Variants in CNTN3 observed in about 807,000 individuals in gnomAD.
CNTN3 encodes the protein contactin-3.
CNTN3 carries 60 observed loss-of-function variants against 119.1 expected under a neutral mutation model. The observed-to-expected ratio is 0.50, with a 90% CI of 0.41 to 0.62. The LOEUF (loss-of-function observed/expected upper bound fraction) is 0.62. Ranked by LOEUF, CNTN3 falls within the 20% of genes least tolerant of loss-of-function variation. CNTN3 has a pLI of 0.00. For synonymous variants in CNTN3, 450 were observed against 438.7 expected, an observed-to-expected ratio of 1.03 and a Z score of -0.32; for missense variants, 1,101 against 1,242.4, an observed-to-expected ratio of 0.89 and a Z score of 1.71.
intron 1 of CNTN3, among the ~76,000 whole-genome samples, chr3:74,581,319 T>C (rs1052004434): frequency 2.6e-5 from 4 of 152,122 alleles, no homozygotes; most frequent in Non-Finnish European, 5.9e-5. Context: ...TTAAAATCAT[T>C]AGTACTTCTA....
At chr3:74,389,098 T>C (rs1431695121) in intron 5 of CNTN3, among the ~76,000 whole-genome samples, 2 of 152,188 alleles carry the variant, frequency 1.3e-5, no homozygotes, top group Non-Finnish European at 2.9e-5. Flanking sequence ...GAATTTTAAT[T>C]ATTAAAAACT....
intron 11 of CNTN3, among the ~76,000 whole-genome samples, chr3:74,347,753 G>T (rs1464636243): frequency 6.6e-6 from 1 of 152,162 alleles, no homozygotes; most frequent in Non-Finnish European, 1.5e-5. Flanking sequence ...TTTCCAAAAG[G>T]TGAACACAGT....
intron 4 of CNTN3, among the ~76,000 whole-genome samples, chr3:74,433,373 T>C (rs777777009): frequency 1.4e-5 from 2 of 145,626 alleles, no homozygotes; most frequent in African/African-American, 2.4e-5. Flanking sequence ...CACAAACAGA[T>C]TTTTTCCTTA....
intron 13 of CNTN3, among the ~76,000 whole-genome samples, chr3:74,320,949 GAA>G (rs1321778720): frequency 7.2e-6 from 1 of 139,444 alleles, no homozygotes; most frequent in African/African-American, 2.6e-5. Context: ...ATGTTGAATT[GAA>G]AAAAAAAAAA....
intron 10 of CNTN3, among the ~76,000 whole-genome samples, chr3:74,363,689 T>C (rs1032526166): frequency 2.0e-5 from 3 of 152,150 alleles, no homozygotes; most frequent in Non-Finnish European, 2.9e-5. Flanking sequence ...ACTGTGGTAA[T>C]ACATTCATTT....
At chr3:74,385,074 C>T (rs1299586645) in intron 5 of CNTN3, among the ~76,000 whole-genome samples, 1 of 152,150 alleles carries the variant, frequency 6.6e-6, no homozygotes, top group Non-Finnish European at 1.5e-5. Flanking sequence ...TTATTTCTGT[C>T]ACTCGTAGAC....
At chr3:74,305,947 T>A (rs1575711804) in intron 13 of CNTN3, among the ~76,000 whole-genome samples, 1 of 151,954 alleles carries the variant, frequency 6.6e-6, no homozygotes, top group Non-Finnish European at 1.5e-5. Flanking sequence ...TCAAGTAACA[T>A]GACTGTAATT....
At chr3:74,541,355 T>C (rs370036710) in intron 1 of CNTN3, among the ~76,000 whole-genome samples, 20 of 152,232 alleles carry the variant, frequency 1.3e-4, no homozygotes, top group African/African-American at 4.8e-4. Flanking sequence ...CTTCAATAAG[T>C]GGGCAGATAA....
chr3:74,456,623 C>T (rs1469171877), intron 4 of CNTN3, among the ~76,000 whole-genome samples: 1 of 152,092 alleles, frequency 6.6e-6, no homozygotes, highest in Non-Finnish European at 1.5e-5. Flanking sequence ...GACATTCGCA[C>T]AGGTGGCAGG....
chr3:74,445,280 T>A (rs1018712165), intron 4 of CNTN3, among the ~76,000 whole-genome samples: 5 of 152,138 alleles, frequency 3.3e-5, no homozygotes, highest in Non-Finnish European at 7.3e-5. Flanking sequence ...TGGTTTTTTT[T>A]TAGACAGGGT....
chr3:74,406,833 A>G (rs1225876945), intron 5 of CNTN3, among the ~76,000 whole-genome samples: 1 of 152,196 alleles, frequency 6.6e-6, no homozygotes, highest in East Asian at 1.9e-4. Context: ...ATTGCTAGTA[A>G]TTATTTTGTT....
chr3:74,569,457 G>A (rs764432453), intron 1 of CNTN3, among the ~76,000 whole-genome samples: 6 of 152,134 alleles, frequency 3.9e-5, no homozygotes, highest in Admixed American at 1.3e-4. Flanking sequence ...TTACTGTCTC[G>A]CGTTATAAAA....
At chr3:74,381,981 G>A (rs1194046679) in intron 5 of CNTN3, among the ~76,000 whole-genome samples, 28 of 152,108 alleles carry the variant, frequency 1.8e-4, no homozygotes, top group Admixed American at 1.8e-3. Context: ...GGCCGAGGCG[G>A]GTGGATCACC....
intron 11 of CNTN3, among the ~76,000 whole-genome samples, chr3:74,349,168 A>G (rs1296416645): frequency 1.3e-5 from 2 of 152,222 alleles, no homozygotes; most frequent in African/African-American, 2.4e-5. Flanking sequence ...AAATATTTGA[A>G]GAATAAATCA....
intron 2 of CNTN3, among the ~76,000 whole-genome samples, chr3:74,511,063 A>G (rs939696788): frequency 2.0e-5 from 3 of 152,148 alleles, no homozygotes; most frequent in Non-Finnish European, 4.4e-5. Flanking sequence ...ATTGGGCCAA[A>G]TCTATCTTGA....
At chr3:74,412,366 T>C (rs9846661) in intron 5 of CNTN3, among the ~76,000 whole-genome samples, 2,233 of 152,270 alleles carry the variant, frequency 0.015, 57 homozygotes, top group African/African-American at 0.051. Flanking sequence ...AGAAAAAGTA[T>C]GTAAAACAAA....
chr3:74,382,574 A>G (rs1704648465), intron 5 of CNTN3, among the ~76,000 whole-genome samples: 1 of 152,120 alleles, frequency 6.6e-6, no homozygotes, highest in African/African-American at 2.4e-5. Flanking sequence ...TGTTTCTAAA[A>G]GCTTGACTTT....
chr3:74,371,494 C>T (rs932535530), intron 5 of CNTN3, 95 bp from the exon 6 acceptor site: 1 of 851,760 alleles, frequency 1.2e-6, no homozygotes, highest in African/African-American at 1.7e-5. Flanking sequence ...AACTTTACTT[C>T]CAAGTAGTGC....
intron 1 of CNTN3, among the ~76,000 whole-genome samples, chr3:74,533,336 A>G (rs2107137953): frequency 6.6e-6 from 1 of 152,098 alleles, no homozygotes; most frequent in African/African-American, 2.4e-5. Context: ...AACATGCTCA[A>G]AGCACTCAGA....
Sources: allele counts gnomAD v4.1 joint callset (sites outside exome capture counted in the v4.1 genomes callset), GRCh38; gene constraint gnomAD v4.1.1; transcripts MANE v1.5; gene names NCBI Gene and HGNC (gene_info 2026-07-23, HGNC 2026-07-21).